The following SNX29 variants were observed in gnomAD, a reference collection of about 807,000 sequenced individuals.
The protein encoded by SNX29 is sorting nexin 29.
Under a neutral mutation model 102.1 loss-of-function variants are expected in SNX29, and 78 were observed. The observed-to-expected ratio is 0.76, with a 90% CI of 0.64 to 0.92. SNX29 has a LOEUF of 0.92. SNX29 is among the 40% of genes least tolerant of loss of function. The probability of loss-of-function intolerance (pLI) is 0.00; values close to 1 mark genes in which losing one functional copy is unlikely to be tolerated. For missense variants in SNX29, 1,280 were observed against 1,061.7 expected (o/e 1.21, Z -2.86); for synonymous variants, 580 against 414.5 (o/e 1.40, Z -4.85).
At chr16:12,206,140 G>C (rs1412775592) in intron 14 of SNX29, among the ~76,000 whole-genome samples, 1 of 152,172 alleles carries the variant, frequency 6.6e-6, no homozygotes, top group Non-Finnish European at 1.5e-5. Context: ...ATTATCATGT[G>C]ACCTTGACCC....
chr16:12,171,570 C>T (rs2076150475), intron 13 of SNX29, among the ~76,000 whole-genome samples: 1 of 152,204 alleles, frequency 6.6e-6, no homozygotes, highest in Non-Finnish European at 1.5e-5. Flanking sequence ...TCTGCCTTTA[C>T]AGTGGAGAGG....
chr16:12,078,549 A>G (rs1214558567), intron 10 of SNX29, among the ~76,000 whole-genome samples: 4 of 152,192 alleles, frequency 2.6e-5, no homozygotes. Context: ...TTCAGCTGAG[A>G]TTATGCACAT....
At chr16:12,554,216 G>C (rs916171694) in intron 20 of SNX29, among the ~76,000 whole-genome samples, 5 of 152,236 alleles carry the variant, frequency 3.3e-5, no homozygotes, top group African/African-American at 1.2e-4. Context: ...AGCATATATA[G>C]AGCAAAACGT....
intron 16 of SNX29, among the ~76,000 whole-genome samples, chr16:12,393,412 GCATT>G (rs995951326): frequency 3.4e-4 from 47 of 138,486 alleles, no homozygotes; most frequent in South Asian, 2.6e-3. Flanking sequence ...ATGCATGCAT[GCATT>G]CATTCATTCA....
intron 18 of SNX29, among the ~76,000 whole-genome samples, chr16:12,424,180 C>T (rs1416810043): frequency 2.0e-5 from 3 of 152,210 alleles, no homozygotes; most frequent in African/African-American, 4.8e-5. Flanking sequence ...AGCAGTGCAG[C>T]GACTTTCTCT....
At chr16:12,381,495 TCATCCACCCACC>T (rs1268459378) in intron 16 of SNX29, among the ~76,000 whole-genome samples, 1 of 14,250 alleles carries the variant, frequency 7.0e-5, no homozygotes, top group Non-Finnish European at 1.1e-4. Context: ...ACCCACCCAC[TCATCCACCCACC>T]CACCCATCAT....
At chr16:12,221,541 G>A (rs1205724273) in intron 14 of SNX29, among the ~76,000 whole-genome samples, 3 of 152,210 alleles carry the variant, frequency 2.0e-5, no homozygotes, top group African/African-American at 7.2e-5. Flanking sequence ...TTGAACCCGG[G>A]AGGTGGAGGT....
chr16:12,503,990 G>A (rs779834697), intron 19 of SNX29, among the ~76,000 whole-genome samples: 2 of 152,104 alleles, frequency 1.3e-5, no homozygotes, highest in Non-Finnish European at 2.9e-5. Context: ...ATCACCCCAA[G>A]TTTTAGAAAA....
intron 14 of SNX29, among the ~76,000 whole-genome samples, chr16:12,252,358 A>C (rs2142393554): frequency 6.6e-6 from 1 of 152,236 alleles, no homozygotes; most frequent in South Asian, 2.1e-4. Flanking sequence ...CCTGGCGGCT[A>C]CCTCTCATCT....
Position 12,335,409 on chromosome 16 carries a change from A to T in SNX29, c.1783-20754A>T, listed in dbSNP as rs565579029. Among the ~76,000 whole-genome samples, 5 of 152,276 alleles carry T rather than the reference A, an allele frequency of 3.3e-5. No homozygotes were observed. The East Asian group carries it at 9.7e-4, about 29-fold the overall frequency. ...GCCAGGTGCAGTGGCTCACACCTGTAATCCCAGCACTTTGAGAGGCCAAGA... is the reference window on the plus strand; with the variant it reads ...GCCAGGTGCAGTGGCTCACACCTGTTATCCCAGCACTTTGAGAGGCCAAGA... On this transcript the variant is annotated intron_variant, in intron 15 of 20. Coordinates refer to ENST00000566228, the MANE Select transcript of SNX29 (RefSeq NM_032167.5).
intron 2 of SNX29, among the ~76,000 whole-genome samples, chr16:12,002,463 A>AT (rs1425294141): frequency 6.6e-6 from 1 of 150,750 alleles, no homozygotes; most frequent in African/African-American, 2.4e-5. Context: ...AAAAAAAAAA[A>AT]GGAGTAGCCT....
At chr16:12,303,595 A>G (rs1052295602) in intron 15 of SNX29, among the ~76,000 whole-genome samples, 10 of 152,234 alleles carry the variant, frequency 6.6e-5, no homozygotes, top group Non-Finnish European at 1.5e-5. Flanking sequence ...CATGGTAACC[A>G]TAAAAATTAG....
chr16:12,109,613 C>T (rs777298626), intron 11 of SNX29, among the ~76,000 whole-genome samples: 5 of 152,098 alleles, frequency 3.3e-5, no homozygotes, highest in East Asian at 1.9e-4. Flanking sequence ...GCATGCACCA[C>T]GAAGCTGCTG....
At chr16:12,532,362 C>T (rs949260450) in intron 20 of SNX29, among the ~76,000 whole-genome samples, 1 of 152,188 alleles carries the variant, frequency 6.6e-6, no homozygotes, top group Admixed American at 6.5e-5. Context: ...GTGGTTCTTT[C>T]AGCAGCTCCC....
intron 20 of SNX29, among the ~76,000 whole-genome samples, chr16:12,562,329 G>C (rs4780447): frequency 0.012 from 1,895 of 152,172 alleles, 17 homozygotes; most frequent in Non-Finnish European, 0.018. Flanking sequence ...GAACCTGCAG[G>C]GCAGATTCTG....
intron 3 of SNX29, among the ~76,000 whole-genome samples, chr16:12,005,821 A>G (rs2056433019): frequency 6.6e-6 from 1 of 152,242 alleles, no homozygotes; most frequent in Non-Finnish European, 1.5e-5. Context: ...AGGCGTGCCT[A>G]ACTGTTAAGT....
At chr16:12,498,933 G>A (rs1394341567) in intron 19 of SNX29, among the ~76,000 whole-genome samples, 1 of 152,184 alleles carries the variant, frequency 6.6e-6, no homozygotes, top group African/African-American at 2.4e-5. Context: ...TCTGCTACTT[G>A]ATAGCAGAAG....
At chr16:12,020,673 G>C (rs937429038) in intron 3 of SNX29, among the ~76,000 whole-genome samples, 13 of 150,748 alleles carry the variant, frequency 8.6e-5, no homozygotes, top group African/African-American at 2.9e-4. Flanking sequence ...CCCCAGGCTG[G>C]AGTGCAGTGG....
intron 3 of SNX29, among the ~76,000 whole-genome samples, chr16:12,004,824 G>C (rs1229845910): frequency 6.6e-6 from 1 of 152,188 alleles, no homozygotes; most frequent in Non-Finnish European, 1.5e-5. Flanking sequence ...TCTTTGCTTA[G>C]GTTTTCTCCA....
Sources: gnomAD v4.1 joint callset for allele counts (sites outside exome capture counted in the v4.1 genomes callset) on GRCh38, gnomAD v4.1.1 for gene constraint, MANE v1.5 for transcripts, NCBI Gene and HGNC (gene_info 2026-07-23, HGNC 2026-07-21) for gene names.